Variants in DYRK1A observed in about 807,000 individuals in gnomAD.
DYRK1A encodes the protein dual specificity tyrosine-phosphorylation-regulated kinase 1A.
DYRK1A carries 9 observed loss-of-function variants against 79.7 expected under a neutral mutation model. The ratio of observed to expected loss-of-function variants is 0.11; its 90% CI spans 0.07 to 0.20. The LOEUF is 0.20. Among genes scored for constraint, DYRK1A ranks in the 10% least tolerant of loss-of-function variants. The pLI is 1.00. For missense variants in DYRK1A, 622 were observed against 956.0 expected, an observed-to-expected ratio of 0.65 and a Z score of 4.61; for synonymous variants, 349 against 329.7, an observed-to-expected ratio of 1.06 and a Z score of -0.63.
chr21:37,410,858 A>T (rs1244065122), intron 1 of DYRK1A, among the ~76,000 whole-genome samples: 1 of 152,032 alleles, frequency 6.6e-6, no homozygotes, highest in Non-Finnish European at 1.5e-5. Flanking sequence ...GACCAACCTG[A>T]CTATCACAGT....
At chr21:37,506,791 T>C (rs936731732) in intron 11 of DYRK1A, among the ~76,000 whole-genome samples, 24 of 152,244 alleles carry the variant, frequency 1.6e-4, no homozygotes, top group Admixed American at 5.9e-4. Context: ...AATAAAGTTG[T>C]AAGTTGGTTC....
chr21:37,454,726 G>A (rs907526765), intron 2 of DYRK1A, among the ~76,000 whole-genome samples: 1 of 152,114 alleles, frequency 6.6e-6, no homozygotes, highest in African/African-American at 2.4e-5. Flanking sequence ...TATTTTACAG[G>A]GATTCAGTAA....
At position 37,472,548 on chromosome 21, in the gene DYRK1A, A is replaced by G. The variant is rs373777907; in HGVS notation, c.11-136A>G. 7.9e-5 allele frequency: 45 copies of G among 567,008 alleles called. 1 individual carries two copies. The highest frequency in any genetic ancestry group is 5.0e-4 in the East Asian group (17 of 34,026). The allele number at this position is 567,008 out of a possible 1,614,324, so 35.1% of individuals were successfully genotyped here. ...ACATAACTGTTGTGTTGAGTAACATATACCTGTTTGTAGTTAGAAAAGTTT... is the reference window on the plus strand; with the variant it reads ...ACATAACTGTTGTGTTGAGTAACATGTACCTGTTTGTAGTTAGAAAAGTTT... On this transcript the variant is annotated intron_variant, in intron 2 of 11. Coordinates refer to ENST00000647188, the MANE Select transcript of DYRK1A (RefSeq NM_001347721.2).
rs1200367637 is a variant in DYRK1A at position 37,398,087 on chromosome 21, ATATT to A, written c.-76-22208_-76-22205del. On this transcript the variant is annotated intron_variant, in intron 1 of 11. Coordinates refer to ENST00000647188, the MANE Select transcript of DYRK1A (RefSeq NM_001347721.2). ...TCTCTTAAAAAAAAAATATATATAT[ATATT>A]TATATTTATATATTTTTGTATATTT... Among the ~76,000 whole-genome samples the A allele has an allele frequency of 1.3e-3, 189 of 146,632 alleles. 1 individual carries two copies. The highest frequency in any genetic ancestry group is 4.4e-3 in the African/African-American group (175 of 40,180).
chr21:37,478,331 T>C (rs779413394), intron 4 of DYRK1A, 31 bp downstream of exon 4: 11 of 1,597,306 alleles, frequency 6.9e-6, no homozygotes, highest in Admixed American at 3.5e-5. Context: ...ATAACATCTA[T>C]CTTGCAGTAT....
At chr21:37,430,198 C>A in intron 2 of DYRK1A, 1 of 725,478 alleles carries the variant, frequency 1.4e-6, no homozygotes, top group Non-Finnish European at 1.7e-6. Flanking sequence ...CAGTTACTTC[C>A]AGCTTGTATA....
At chr21:37,445,522 A>G (rs2051240341) in intron 2 of DYRK1A, among the ~76,000 whole-genome samples, 1 of 152,224 alleles carries the variant, frequency 6.6e-6, no homozygotes, top group Non-Finnish European at 1.5e-5. Context: ...AAACATCTGA[A>G]CAAATAGAGT....
At chr21:37,419,024 TAAATG>T (rs957376821) in intron 1 of DYRK1A, 23 of 152,052 alleles carry the variant, frequency 1.5e-4, no homozygotes, top group African/African-American at 5.1e-4. Context: ...TAAGGAGAAA[TAAATG>T]AAAAGCAGAA....
intron 2 of DYRK1A, among the ~76,000 whole-genome samples, chr21:37,451,350 G>T (rs183385403): frequency 1.6e-5 from 2 of 123,358 alleles, no homozygotes; most frequent in South Asian, 2.8e-4. Flanking sequence ...CTTCCTCTCC[G>T]TCCCTCCATC....
intron 4 of DYRK1A, 95 bp downstream of exon 4, chr21:37,478,395 A>G: frequency 6.1e-6 from 6 of 980,826 alleles, no homozygotes; most frequent in South Asian, 3.4e-5. Flanking sequence ...TTTCATTCCT[A>G]GTAGTTGTCA....
intron 2 of DYRK1A, chr21:37,464,307 A>G (rs1266878784): frequency 6.0e-6 from 3 of 500,980 alleles, no homozygotes; most frequent in Admixed American, 4.2e-5. Context: ...GTCTCTAGTT[A>G]TTATAGTTCC....
chr21:37,425,442 A>T (rs1206659919), intron 2 of DYRK1A, among the ~76,000 whole-genome samples: 2 of 152,178 alleles, frequency 1.3e-5, no homozygotes, highest in Non-Finnish European at 1.5e-5. Context: ...TGATTACATT[A>T]TGTATGTGTC....
chr21:37,442,888 G>A (rs1239580872), intron 2 of DYRK1A, among the ~76,000 whole-genome samples: 1 of 152,188 alleles, frequency 6.6e-6, no homozygotes, highest in East Asian at 1.9e-4. Context: ...AGCCTGGAGT[G>A]CAGTGGTGCT....
chr21:37,428,370 A>C (rs1430947348), intron 2 of DYRK1A, among the ~76,000 whole-genome samples: 18 of 152,228 alleles, frequency 1.2e-4, no homozygotes, highest in Non-Finnish European at 2.9e-5. Context: ...ACCCATCAGC[A>C]GTCTGTTGAT....
rs1198926046 is a variant in DYRK1A, at chr21:37,511,904, C to A, written c.1645-7C>A. On this transcript the variant is annotated splice_region_variant and splice_polypyrimidine_tract_variant and intron_variant, in intron 11 of 11. Coordinates refer to ENST00000647188, the MANE Select transcript of DYRK1A (RefSeq NM_001347721.2). The stretch of plus-strand genomic sequence containing the variant: ...TGAAAAATCCTTTTAAAAATCTGTT[C>A]TTTCAGGTGCGTCAGCAATTTCCTG... 1.9e-6 allele frequency: 3 copies of A among 1,607,206 alleles called. No individual in the cohort carries two copies. The highest frequency in any genetic ancestry group is 2.6e-6 in the Non-Finnish European group (3 of 1,174,922).
At chr21:37,368,789 G>T (rs780130705) in intron 1 of DYRK1A, among the ~76,000 whole-genome samples, 2 of 152,148 alleles carry the variant, frequency 1.3e-5, no homozygotes, top group Non-Finnish European at 2.9e-5. Flanking sequence ...AATCATTAGG[G>T]TGTAACTCAT....
intron 2 of DYRK1A, among the ~76,000 whole-genome samples, chr21:37,451,869 C>G (rs1230964104): frequency 2.6e-5 from 4 of 152,142 alleles, no homozygotes; most frequent in Non-Finnish European, 5.9e-5. Flanking sequence ...ACATTTGATC[C>G]TGGGTCTTGA....
At chr21:37,367,687 C>T (rs2049337725) in intron 1 of DYRK1A, 59 bp downstream of exon 1, 1 of 145,448 alleles carries the variant, frequency 6.9e-6, no homozygotes, top group Non-Finnish European at 1.5e-5. Flanking sequence ...CCCCGGCGGC[C>T]CGCAGCCGGG....
chr21:37,440,068 T>G (rs904634810), intron 2 of DYRK1A, among the ~76,000 whole-genome samples: 9 of 151,306 alleles, frequency 5.9e-5, no homozygotes, highest in Non-Finnish European at 1.3e-4. Flanking sequence ...TTTTTCTGTT[T>G]TGTTGATTTC....
Sources: allele counts gnomAD v4.1 joint callset (sites outside exome capture counted in the v4.1 genomes callset), GRCh38; gene constraint gnomAD v4.1.1; transcripts MANE v1.5; gene names NCBI Gene and HGNC (gene_info 2026-07-23, HGNC 2026-07-21).